OTC: variants seen among roughly 807,000 people sequenced by gnomAD.
OTC encodes the protein ornithine transcarbamylase, mitochondrial.
In OTC, 3 loss-of-function variants were observed where a neutral mutation model predicts 30.3. That is an observed-to-expected ratio of 0.10 (90% CI 0.05 to 0.26). The LOEUF is 0.26. OTC is among the 10% of genes least tolerant of loss of function. The probability of loss-of-function intolerance (pLI) is 1.00; values close to 1 mark genes in which losing one functional copy is unlikely to be tolerated. For synonymous variants in OTC, 111 were observed against 99.7 expected, an observed-to-expected ratio of 1.11 and a Z score of -0.67; for missense variants, 194 against 260.3, an observed-to-expected ratio of 0.75 and a Z score of 1.75.
chrX:38,346,539 C>T, the OTC span, among the ~76,000 whole-genome samples: 662 of 112,260 alleles, frequency 5.9e-3, 6 homozygotes, highest in Middle Eastern at 0.028. Context: ...ACTCCTCAAG[C>T]GGGAAACAAC....
At chrX:38,380,816 C>A (rs1349608839) in intron 3 of OTC, among the ~76,000 whole-genome samples, 1 of 111,541 alleles carries the variant, frequency 9.0e-6, no homozygotes, top group Non-Finnish European at 1.9e-5. Context: ...ACAACCCCTG[C>A]CTCCCAGATT....
chrX:38,331,155 T>C, the OTC span, among the ~76,000 whole-genome samples: 1 of 111,877 alleles, frequency 8.9e-6, no homozygotes, highest in East Asian at 2.8e-4. Context: ...AAAATAATAA[T>C]TTAAGCCAGG....
chrX:38,340,559 G>A, the OTC span, among the ~76,000 whole-genome samples: 2 of 96,208 alleles, frequency 2.1e-5, no homozygotes, highest in Non-Finnish European at 4.0e-5. Flanking sequence ...TTTAAAATTA[G>A]GTAGAAGGCA....
chrX:38,372,473 T>C (rs761300525), intron 3 of OTC, among the ~76,000 whole-genome samples: 1 of 112,831 alleles, frequency 8.9e-6, no homozygotes, highest in South Asian at 3.6e-4. Context: ...AATAGTCATG[T>C]TTTCTTCTAG....
intron 4 of OTC, among the ~76,000 whole-genome samples, chrX:38,399,997 A>G (rs2068476892): frequency 8.9e-6 from 1 of 111,900 alleles, no homozygotes; most frequent in African/African-American, 3.2e-5. Context: ...AAATAAGGAT[A>G]AGAATTATAT....
chrX:38,381,323 TC>T lies in OTC; in HGVS notation c.299-18del. 9.0e-7 allele frequency: 1 copy of T among 1,107,028 alleles called. No homozygotes were observed. The highest frequency in any genetic ancestry group is 2.5e-4 in the Middle Eastern group (1 of 4,070). The allele number at this position is 1,107,028 out of a possible 1,213,427, so 91.2% of individuals were successfully genotyped here. Reference sequence around the variant, plus strand: ...AGTTGTTTTTTCAAAATGATTTTTTTCTTTTTTTTTTATTGTAGGCTTTGCA... The same window carrying T: ...AGTTGTTTTTTCAAAATGATTTTTTTTTTTTTTTTTATTGTAGGCTTTGCA... On this transcript the variant is annotated intron_variant, in intron 3 of 9. Coordinates refer to ENST00000039007, the MANE Select transcript of OTC (RefSeq NM_000531.6).
At chrX:38,363,837 G>A (rs1317630198) in intron 1 of OTC, among the ~76,000 whole-genome samples, 1 of 111,240 alleles carries the variant, frequency 9.0e-6, no homozygotes, top group Non-Finnish European at 1.9e-5. Flanking sequence ...AAAATATTTG[G>A]TTCTTTGCCG....
chrX:38,403,367 G>A (rs1174417050), intron 5 of OTC, among the ~76,000 whole-genome samples: 3 of 111,643 alleles, frequency 2.7e-5, no homozygotes, highest in African/African-American at 9.8e-5. Flanking sequence ...GATTTGAAAT[G>A]TATGAAACTC....
intron 9 of OTC, among the ~76,000 whole-genome samples, chrX:38,416,291 C>T (rs932543526): frequency 8.1e-5 from 9 of 111,240 alleles, no homozygotes; most frequent in East Asian, 2.8e-4. Flanking sequence ...CTTCACTAAT[C>T]GCATCATTCT....
chrX:38,386,690 A>T (rs1009240993), intron 4 of OTC, among the ~76,000 whole-genome samples: 13 of 112,112 alleles, frequency 1.2e-4, no homozygotes, highest in African/African-American at 3.9e-4. Context: ...CATTTTCTTT[A>T]TCCATTCATC....
intron 3 of OTC, among the ~76,000 whole-genome samples, chrX:38,375,286 G>A (rs59911125): frequency 8.9e-6 from 1 of 112,134 alleles, no homozygotes; most frequent in East Asian, 2.8e-4. Flanking sequence ...GGAAAAACAA[G>A]TGCACCAATA....
intron 9 of OTC, 70 bp downstream of exon 9, chrX:38,412,069 G>A (rs1378977737): frequency 4.7e-6 from 5 of 1,053,274 alleles, no homozygotes; most frequent in Non-Finnish European, 6.6e-6. Context: ...ATGCCTTTGG[G>A]GAAATAATAA....
At chrX:38,411,794 T>C (rs1431973950) in intron 8 of OTC, 68 bp from the exon 9 acceptor site, 1 of 1,047,415 alleles carries the variant, frequency 9.5e-7, no homozygotes, top group African/African-American at 1.8e-5. Flanking sequence ...TGTTTTTAGA[T>C]ACTGAAGAAA....
intron 2 of OTC, among the ~76,000 whole-genome samples, chrX:38,368,294 A>G (rs1487057902): frequency 1.8e-5 from 2 of 111,611 alleles, no homozygotes; most frequent in African/African-American, 6.5e-5. Flanking sequence ...CAGGAGGCGG[A>G]GGTTGCAGTG....
At chrX:38,417,038 T>C (rs948916144) in intron 9 of OTC, among the ~76,000 whole-genome samples, 2 of 111,967 alleles carry the variant, frequency 1.8e-5, no homozygotes, top group Non-Finnish European at 3.8e-5. Flanking sequence ...CTTAAGTGGT[T>C]CCCAAGGCTC....
the OTC span, among the ~76,000 whole-genome samples, chrX:38,339,769 T>C: frequency 1.8e-5 from 2 of 111,531 alleles, no homozygotes; most frequent in South Asian, 7.4e-4. Context: ...AAAGTTAAAA[T>C]GCATATAAAA....
the OTC span, among the ~76,000 whole-genome samples, chrX:38,342,475 T>C: frequency 2.7e-5 from 3 of 111,659 alleles, no homozygotes; most frequent in Admixed American, 9.6e-5. Context: ...TAACAAAAGC[T>C]AACATTTATT....
At chrX:38,366,924 C>T (rs1483639374) in intron 1 of OTC, among the ~76,000 whole-genome samples, 1 of 111,653 alleles carries the variant, frequency 9.0e-6, no homozygotes, top group Non-Finnish European at 1.9e-5. Flanking sequence ...AAAGCATTTG[C>T]TGTGCTTTAT....
chrX:38,332,504 T>TTATATATATATATATATATATATATATA, the OTC span, among the ~76,000 whole-genome samples: 5 of 39,355 alleles, frequency 1.3e-4, no homozygotes, highest in African/African-American at 2.6e-4. Context: ...GCCCTAGATT[T>TTATATATATATATATATATATATATATA]TATATATATA....
Sources: allele counts gnomAD v4.1 joint callset (sites outside exome capture counted in the v4.1 genomes callset), GRCh38; gene constraint gnomAD v4.1.1; transcripts MANE v1.5; gene names NCBI Gene and HGNC (gene_info 2026-07-23, HGNC 2026-07-21).